The following PBK variants were observed in gnomAD, a reference collection of about 807,000 sequenced individuals.
The protein encoded by PBK is lymphokine-activated killer T-cell-originated protein kinase.
A neutral mutation model predicts 33.5 loss-of-function variants in PBK; 22 were observed. The ratio of observed to expected loss-of-function variants is 0.66; its 90% CI spans 0.47 to 0.94. The LOEUF (loss-of-function observed/expected upper bound fraction) is 0.94. Ranked by LOEUF, PBK falls within the 40% of genes least tolerant of loss-of-function variation. The probability of loss-of-function intolerance (pLI) is 0.00; values close to 1 mark genes in which losing one functional copy is unlikely to be tolerated. For missense variants in PBK, 376 were observed against 383.4 expected, an observed-to-expected ratio of 0.98 and a Z score of 0.16; for synonymous variants, 129 against 123.8, an observed-to-expected ratio of 1.04 and a Z score of -0.28.
chr8:27,832,732 T>A (rs1395525654), intron 2 of PBK, among the ~76,000 whole-genome samples: 1 of 152,174 alleles, frequency 6.6e-6, no homozygotes, highest in East Asian at 1.9e-4. Flanking sequence ...GTCCATTGAG[T>A]TGCCTTGGAA....
intron 3 of PBK, among the ~76,000 whole-genome samples, chr8:27,823,948 A>G (rs1805979190): frequency 6.6e-6 from 1 of 152,124 alleles, no homozygotes; most frequent in Admixed American, 6.5e-5. Context: ...ACCTAGTGAA[A>G]GAGCCTCAGA....
rs377211954 is a variant in PBK, at chr8:27,828,038, C to A, written c.152+67G>T. The A allele has an allele frequency of 1.8e-5, 14 of 781,140 alleles. No individual in the cohort carries two copies. In the African/African-American group the frequency reaches 2.1e-4, roughly 12 times the overall value. The allele number at this position is 781,140 out of a possible 1,614,324, so 48.4% of individuals were successfully genotyped here. On this transcript the variant is annotated intron_variant, in intron 3 of 7. Coordinates refer to ENST00000301905, the MANE Select transcript of PBK (RefSeq NM_018492.4). ...AAATACTGGAATTTTCAGACTACTT[C>A]TTTGTCTCCAAGTACAGTAGAATTA... is the stretch of plus-strand genomic sequence containing the variant.
chr8:27,826,925 C>T (rs1213972406), intron 3 of PBK, among the ~76,000 whole-genome samples: 2 of 151,490 alleles, frequency 1.3e-5, no homozygotes, highest in East Asian at 3.9e-4. Flanking sequence ...TGAAACTAGC[C>T]ATAAACCTGT....
chr8:27,833,073 G>A lies in PBK; in HGVS notation c.41C>T (p.Ser14Leu). 3 of 1,589,472 alleles carry A rather than the reference G, an allele frequency of 1.9e-6. No individual in the cohort carries two copies. The East Asian group carries it at 6.7e-5, about 36-fold the overall frequency. The change falls in exon 2 of 8, where the codon TCA becomes TTA. Residue 14 changes from serine (S) to leucine (L), a missense_variant. Ser to Leu is a moderately radical substitution (Grantham distance 145). Coordinates refer to ENST00000301905, the MANE Select transcript of PBK (RefSeq NM_018492.4). ...TATCTTACCAGATTTCTTTTTTTCTGATAATTTGCTTGGTGTCTTGAAATT... is the reference window on the plus strand; with the variant it reads ...TATCTTACCAGATTTCTTTTTTTCTAATAATTTGCTTGGTGTCTTGAAATT... ...ISNFKTPSKL[S>L]EKKKSVLCST... is the part of the protein sequence containing the mutation.
At chr8:27,819,592 A>G (rs1375069105) in intron 6 of PBK, among the ~76,000 whole-genome samples, 1 of 152,098 alleles carries the variant, frequency 6.6e-6, no homozygotes, top group Admixed American at 6.6e-5. Flanking sequence ...CATACTTTTT[A>G]TAATTCGAAG....
chr8:27,815,074 A>C (rs985741786), intron 6 of PBK, among the ~76,000 whole-genome samples: 3 of 152,208 alleles, frequency 2.0e-5, no homozygotes, highest in African/African-American at 7.2e-5. Context: ...AATAGAAAGA[A>C]GACACAGTGG....
At chr8:27,818,981 T>A (rs1015644822) in intron 6 of PBK, among the ~76,000 whole-genome samples, 2 of 152,308 alleles carry the variant, frequency 1.3e-5, no homozygotes, top group East Asian at 1.9e-4. Context: ...CTTTTCTCAC[T>A]AATACAAAAA....
chr8:27,809,664 A>G lies in PBK; in HGVS notation c.*641T>C, dbSNP rs1805629225. 6.6e-6 allele frequency: 1 copy of G among 152,232 alleles called. No individual in the cohort carries two copies. Among genetic ancestry groups the G allele is most frequent in the South Asian group, 2.1e-4 (1 of 4,834 alleles). The allele number at this position is 152,232 out of a possible 1,614,324, so 9.4% of individuals were successfully genotyped here. A position where few individuals can be genotyped will look rare whatever the true frequency, so the allele number is the denominator to read the frequency against. The stretch of plus-strand genomic sequence containing the variant: ...CCTTTATTCTTTATCATCCTATTTG[A>G]GTTTTATTGTTTTTACACAGCTGGG... On this transcript the variant is annotated 3_prime_UTR_variant, in exon 8 of 8. Transcript: ENST00000301905.
Position 27,811,065 on chromosome 8 carries a change from C to T in PBK, c.665G>A (p.Gly222Asp), listed in dbSNP as rs772975178. The T allele has an allele frequency of 6.2e-7, 1 of 1,612,836 alleles. No homozygotes were observed. Among genetic ancestry groups the T allele is most frequent in the Non-Finnish European group, 8.5e-7 (1 of 1,178,818 alleles). Reference protein sequence around the residue: ...WKPKEAVEENGVITDKADIFA... With the variant: ...WKPKEAVEENDVITDKADIFA... The stretch of plus-strand genomic sequence containing the variant: ...TATGTCTGCCTTGTCAGTAATAACA[C>T]CATTCTCCTCCACAGCTTCTTTGGG... Residue 222 changes from glycine to aspartate, a missense_variant, in exon 7 of 8, where the codon GGT becomes GAT. Coordinates refer to ENST00000301905, the MANE Select transcript of PBK (RefSeq NM_018492.4).
intron 2 of PBK, among the ~76,000 whole-genome samples, chr8:27,832,176 A>G (rs1342483253): frequency 2.6e-5 from 4 of 152,192 alleles, no homozygotes; most frequent in Non-Finnish European, 4.4e-5. Context: ...ACACTTGAAA[A>G]TTAACATAAT....
At chr8:27,817,777 G>A (rs1268596788) in intron 6 of PBK, among the ~76,000 whole-genome samples, 1 of 151,960 alleles carries the variant, frequency 6.6e-6, no homozygotes, top group African/African-American at 2.4e-5. Context: ...CACCTGAAAG[G>A]TTCTACCACA....
chr8:27,823,022 CAA>C, intron 4 of PBK, 39 bp downstream of exon 4: 2 of 1,389,534 alleles, frequency 1.4e-6, no homozygotes, highest in South Asian at 2.5e-5. Context: ...TCTGAATAAA[CAA>C]AATAATATAC....
chr8:27,828,016 T>C (rs1806058538), intron 3 of PBK, 89 bp downstream of exon 3: 3 of 683,538 alleles, frequency 4.4e-6, no homozygotes, highest in South Asian at 1.8e-5. Flanking sequence ...CGAATCTAAA[T>C]ACTGGAATTT....
At chr8:27,834,097 G>A (rs980853369) in intron 1 of PBK, among the ~76,000 whole-genome samples, 25 of 149,126 alleles carry the variant, frequency 1.7e-4, no homozygotes, top group East Asian at 3.9e-4. Flanking sequence ...GCATGATCTC[G>A]ACTCACTGCA....
intron 6 of PBK, among the ~76,000 whole-genome samples, chr8:27,819,517 C>CTAT: frequency 6.6e-6 from 1 of 151,956 alleles, no homozygotes; most frequent in South Asian, 2.1e-4. Flanking sequence ...TTTTTGTTTC[C>CTAT]TATTTTATTA....
intron 4 of PBK, 40 bp from the exon 5 acceptor site, chr8:27,822,528 G>A: frequency 7.2e-7 from 1 of 1,396,642 alleles, no homozygotes; most frequent in Non-Finnish European, 9.9e-7. Context: ...ATATAGAGAA[G>A]AACAATAATA....
intron 6 of PBK, among the ~76,000 whole-genome samples, chr8:27,816,908 G>A (rs1805826152): frequency 6.6e-6 from 1 of 151,946 alleles, no homozygotes; most frequent in South Asian, 2.1e-4. Context: ...CCCCTTATTG[G>A]TGGACATTCT....
chr8:27,822,528 G>T lies in PBK; in HGVS notation c.296-40C>A, dbSNP rs368375216. On this transcript the variant is annotated intron_variant, in intron 4 of 7. Transcript: ENST00000301905. The stretch of plus-strand genomic sequence containing the variant: ...GACATTTCTTCACTAATATAGAGAA[G>T]AACAATAATATTTAAGTCCTTTATA... 1.3e-5 allele frequency: 18 copies of T among 1,396,520 alleles called. No individual in the cohort carries two copies. The Middle Eastern group carries it at 1.4e-3, about 112-fold the overall frequency. The allele number at this position is 1,396,520 out of a possible 1,614,324, so 86.5% of individuals were successfully genotyped here. A position where few individuals can be genotyped will look rare whatever the true frequency, so the allele number is the denominator to read the frequency against.
chr8:27,816,355 ATATT>A lies in PBK; in HGVS notation c.595+4206_595+4209del, dbSNP rs576580735. The stretch of plus-strand genomic sequence containing the variant: ...TTTTCATCGAATACTATATATATAT[ATATT>A]TATTTATTTATTTATTTATTTTAAT... On this transcript the variant is annotated intron_variant, in intron 6 of 7. Transcript: ENST00000301905. Among the ~76,000 whole-genome samples, 157 of 140,910 alleles carry A rather than the reference ATATT, an allele frequency of 1.1e-3. 4 individuals carry two copies. Among genetic ancestry groups the A allele is most frequent in the South Asian group, 7.9e-3 (36 of 4,542 alleles). The allele number at this position is 140,910 out of a possible 152,430, so 92.4% of individuals were successfully genotyped here. A position where few individuals can be genotyped will look rare whatever the true frequency, so the allele number is the denominator to read the frequency against.
Sources: gnomAD v4.1 joint callset for allele counts (sites outside exome capture counted in the v4.1 genomes callset) on GRCh38, gnomAD v4.1.1 for gene constraint, MANE v1.5 for transcripts, NCBI Gene and HGNC (gene_info 2026-07-23, HGNC 2026-07-21) for gene names.